The following TIAL1 variants were observed in gnomAD, a reference collection of about 807,000 sequenced individuals.
The protein encoded by TIAL1 is nucleolysin TIAR.
In TIAL1, 7 loss-of-function variants were observed where a neutral mutation model predicts 59.7. That is an observed-to-expected ratio of 0.12 (90% CI 0.07 to 0.22). The LOEUF is 0.22. Ranked by LOEUF, TIAL1 falls within the 10% of genes least tolerant of loss-of-function variation. The pLI is 1.00. For missense variants in TIAL1, 225 were observed against 462.5 expected, an observed-to-expected ratio of 0.49 and a Z score of 4.71; for synonymous variants, 149 against 146.3, an observed-to-expected ratio of 1.02 and a Z score of -0.13.
At position 119,574,585 on chromosome 10, in the gene TIAL1, G is replaced by GAAAAAAAAAAAAA. The variant is rs1302922520; in HGVS notation, c.*1079_*1080insTTTTTTTTTTTTT. The GAAAAAAAAAAAAA allele has an allele frequency of 1.6e-4, 1 of 6,130 alleles. No homozygotes were observed. Among genetic ancestry groups the GAAAAAAAAAAAAA allele is most frequent in the African/African-American group, 3.5e-4 (1 of 2,822 alleles). The allele number at this position is 6,130 out of a possible 1,614,324, so 0.4% of individuals were successfully genotyped here. On this transcript the variant is annotated 3_prime_UTR_variant, in exon 12 of 12. Transcript: ENST00000436547. ...GTATTTACATACCAAGTAATGTAAA[G>GAAAAAAAAAAAAA]CAAAAAAAAAAAAAAAAAAAAACAA...
rs747170313 is a variant in TIAL1, at chr10:119,582,895, C to T, written c.130-338G>A. On this transcript the variant is annotated intron_variant, in intron 2 of 11. Coordinates refer to ENST00000436547, the MANE Select transcript of TIAL1 (RefSeq NM_003252.4). This position sits in a 1 kb window ranked among gnomAD's most constrained non-coding sequence, Gnocchi z 5.1. ...AAACTCAGATCTGATGAGGACCACT[C>T]CTTACCACTACTTTCCTTCTCCAAT... Among the ~76,000 whole-genome samples, 1 of 152,100 alleles carries T rather than the reference C, an allele frequency of 6.6e-6. No individual in the cohort carries two copies. The highest frequency in any genetic ancestry group is 1.5e-5 in the Non-Finnish European group (1 of 67,992).
At chr10:119,576,306 G>A (rs1357172643) in intron 11 of TIAL1, among the ~76,000 whole-genome samples, 2 of 151,278 alleles carry the variant, frequency 1.3e-5, no homozygotes, top group Non-Finnish European at 2.9e-5. Flanking sequence ...AATATATCTG[G>A]ACAAAGATCT....
chr10:119,586,424 G>C (rs1417870548), intron 2 of TIAL1, among the ~76,000 whole-genome samples: 1 of 152,064 alleles, frequency 6.6e-6, no homozygotes, highest in Non-Finnish European at 1.5e-5. Context: ...TAGCACTTTC[G>C]AGAATAAGCC....
chr10:119,596,531 G>A lies in TIAL1; in HGVS notation c.-66C>T. ...AGGGTTGGGGAGGGGAGGGGGTGGG[G>A]AGGAAGGGGAGGGGGGCTCTGGGCA... On this transcript the variant is annotated 5_prime_UTR_variant, in exon 1 of 12. Transcript: ENST00000436547. 1 of 371,142 alleles carries A rather than the reference G, an allele frequency of 2.7e-6. No homozygotes were observed. Among genetic ancestry groups the A allele is most frequent in the Non-Finnish European group, 5.4e-6 (1 of 184,150 alleles). The allele number at this position is 371,142 out of a possible 1,614,324, so 23.0% of individuals were successfully genotyped here.
intron 1 of TIAL1, among the ~76,000 whole-genome samples, chr10:119,589,674 C>T (rs540146433): frequency 1.3e-5 from 2 of 151,944 alleles, no homozygotes; most frequent in East Asian, 1.9e-4. Flanking sequence ...ATTTTAAATA[C>T]AGGAAAGTTT....
At chr10:119,577,312 A>G (rs1845050633) in intron 9 of TIAL1, 109 bp from the exon 10 acceptor site, 8 of 1,454,688 alleles carry the variant, frequency 5.5e-6, no homozygotes, top group African/African-American at 1.4e-5. Flanking sequence ...TTTTTTTTCT[A>G]AAGTACATTA....
At chr10:119,590,800 G>GAAAGAAAA (rs1554867666) in intron 1 of TIAL1, among the ~76,000 whole-genome samples, 9 of 141,306 alleles carry the variant, frequency 6.4e-5, no homozygotes, top group Non-Finnish European at 1.1e-4. Context: ...AAGAAAGAAA[G>GAAAGAAAA]AAAGAAAGAA....
In TIAL1 at chr10:119,579,959, A is replaced by G. The variant is rs1376009004; in HGVS notation, c.423T>C (p.Gly141=). The G allele has an allele frequency of 1.2e-6, 2 of 1,610,110 alleles. No homozygotes were observed. Among genetic ancestry groups the G allele is most frequent in the Non-Finnish European group, 1.7e-6 (2 of 1,178,492 alleles). Reference sequence around the variant, plus strand: ...CCAGTTTGTTATAAAAAGATACAAAACCATAGCCTTTGGATTTTCCAGTTG... The same window carrying G: ...CCAGTTTGTTATAAAAAGATACAAAGCCATAGCCTTTGGATTTTCCAGTTG... The part of the protein sequence containing the change: ...DMATGKSKGY[G]FVSFYNKLDA... The change falls in exon 6 of 12, where the codon GGT becomes GGC. Residue 141 remains glycine, a synonymous_variant. Transcript: ENST00000436547.
intron 1 of TIAL1, among the ~76,000 whole-genome samples, chr10:119,589,229 G>A (rs1356363819): frequency 6.6e-6 from 1 of 152,002 alleles, no homozygotes; most frequent in Non-Finnish European, 1.5e-5. Context: ...TTTTTGAGAT[G>A]GAGTCTCACT....
chr10:119,581,506 C>T (rs1845305014), intron 5 of TIAL1, among the ~76,000 whole-genome samples: 1 of 151,990 alleles, frequency 6.6e-6, no homozygotes, highest in Admixed American at 6.6e-5. Context: ...CTACTCTCCC[C>T]CATTTATAAA....
At chr10:119,578,312 T>C (rs1420800322) in intron 7 of TIAL1, among the ~76,000 whole-genome samples, 1 of 151,810 alleles carries the variant, frequency 6.6e-6, no homozygotes, top group African/African-American at 2.4e-5. Flanking sequence ...GACACAGACT[T>C]GATCTATAAA....
chr10:119,581,242 A>G (rs967835156), intron 5 of TIAL1, among the ~76,000 whole-genome samples: 1 of 152,022 alleles, frequency 6.6e-6, no homozygotes. Context: ...GTTTTCCAAT[A>G]TATTTTTTAC....
At chr10:119,579,571 T>C (rs955631229) in intron 6 of TIAL1, among the ~76,000 whole-genome samples, 2 of 152,184 alleles carry the variant, frequency 1.3e-5, no homozygotes, top group Non-Finnish European at 2.9e-5. Flanking sequence ...ATTTAAAAGG[T>C]AGAGTTAAAA....
Position 119,575,677 on chromosome 10 carries a change from G to T in TIAL1, c.1116C>A (p.Tyr372Ter). ...TTAGAGTCCCGGCTCACTGTGTTTG[G>T]TAACTTGCCATACCATATCCGGCTT... Reference protein sequence around the residue: ...PNQAGYGMASYQTQ With the variant: ...PNQAGYGMAS Residue 372 changes from tyrosine (Y) to a stop codon, truncating the protein, a stop_gained, in exon 12 of 12, where the codon TAC becomes TAA. Transcript: ENST00000436547. LOFTEE classifies it high-confidence loss of function. The T allele has an allele frequency of 6.2e-7, 1 of 1,613,214 alleles. No individual in the cohort carries two copies. The highest frequency in any genetic ancestry group is 8.5e-7 in the Non-Finnish European group (1 of 1,179,666).
intron 2 of TIAL1, among the ~76,000 whole-genome samples, chr10:119,585,868 C>A (rs1845547348): frequency 6.6e-6 from 1 of 152,144 alleles, no homozygotes; most frequent in Non-Finnish European, 1.5e-5. Context: ...GAATTCACTA[C>A]AGTTGACCAC....
At chr10:119,592,785 ACACT>A (rs1845949844) in intron 1 of TIAL1, among the ~76,000 whole-genome samples, 1 of 151,916 alleles carries the variant, frequency 6.6e-6, no homozygotes, top group Non-Finnish European at 1.5e-5. Context: ...ACACACACAC[ACACT>A]CACTCTCTCT....
rs1028506003 is a variant in TIAL1 at position 119,582,084 on chromosome 10, AG to A, written c.284-76del. The stretch of plus-strand genomic sequence containing the variant: ...AACCTTTTTAAGGCAACTCTAGAGG[AG>A]GAAAAAAAAACCTATTTAAGCTGGT... On this transcript the variant is annotated intron_variant, in intron 4 of 11. Transcript: ENST00000436547. The surrounding 1 kb of genome is among the most constrained non-coding windows in gnomAD (Gnocchi z 5.1). 1.7e-5 allele frequency: 27 copies of A among 1,587,768 alleles called. No individual in the cohort carries two copies. Among genetic ancestry groups the A allele is most frequent in the Non-Finnish European group, 2.1e-5 (24 of 1,163,100 alleles).
Position 119,588,225 on chromosome 10 carries a change from T to C in TIAL1, c.56A>G (p.Asp19Gly). The change falls in exon 2 of 12, where the codon GAT becomes GGT. Residue 19 changes from aspartate to glycine, a missense_variant. Physicochemically the swap from Asp to Gly is moderately conservative, Grantham distance 94 (BLOSUM62 -1). Transcript: ENST00000436547. ...CTGAAGTATAAGGACTTCTGTCACA[T>C]CTCTGGAAAGGTTACCTACGTATCT... ...RTLYVGNLSR[D>G]VTEVLILQLF... 1 of 1,588,818 alleles carries C rather than the reference T, an allele frequency of 6.3e-7. No individual in the cohort carries two copies.
chr10:119,590,023 G>A (rs1254123732), intron 1 of TIAL1, among the ~76,000 whole-genome samples: 6 of 151,920 alleles, frequency 3.9e-5, no homozygotes, highest in Admixed American at 6.6e-5. Context: ...ATACTCAAAG[G>A]GAAAAATAGA....
Sources: allele counts gnomAD v4.1 joint callset (sites outside exome capture counted in the v4.1 genomes callset), GRCh38; gene constraint gnomAD v4.1.1; non-coding constraint Gnocchi (gnomAD v3.1); transcripts MANE v1.5; gene names NCBI Gene and HGNC (gene_info 2026-07-23, HGNC 2026-07-21).